Variants in GRAMD1B observed in about 807,000 individuals in gnomAD.
GRAMD1B encodes protein Aster-B.
Under a neutral mutation model 99.7 loss-of-function variants are expected in GRAMD1B, and 37 were observed. That is an observed-to-expected ratio of 0.37 (90% CI 0.29 to 0.49). The LOEUF is 0.49. Among genes scored for constraint, GRAMD1B ranks in the 20% least tolerant of loss-of-function variants. The pLI is 0.98. For synonymous variants in GRAMD1B, 427 were observed against 387.6 expected (o/e 1.10, Z -1.19); for missense variants, 888 against 1,009.2 (o/e 0.88, Z 1.63).
At chr11:123,499,956 A>G (rs1939691538) in intron 2 of GRAMD1B, among the ~76,000 whole-genome samples, 1 of 152,156 alleles carries the variant, frequency 6.6e-6, no homozygotes, top group Admixed American at 6.5e-5. Context: ...AATGAAACAG[A>G]TCTATTGTCT....
intron 2 of GRAMD1B, among the ~76,000 whole-genome samples, chr11:123,501,250 A>T (rs556352997): frequency 6.6e-6 from 1 of 152,226 alleles, no homozygotes; most frequent in South Asian, 2.1e-4. Flanking sequence ...GGCTCACTGC[A>T]ACCTTTACCT....
rs376926006 is a variant in GRAMD1B, at chr11:123,612,755, C to T, written c.1920-6C>T. ...TGACTGATCTTGTGTCTGGCTTGCT[C>T]CTCAGGGTCTCCACAGAGCTGCGCT... On this transcript the variant is annotated splice_polypyrimidine_tract_variant and splice_region_variant and intron_variant, in intron 14 of 19. Coordinates refer to ENST00000635736, the MANE Select transcript of GRAMD1B (RefSeq NM_001387025.1). 3 of 1,555,260 alleles carry T rather than the reference C, an allele frequency of 1.9e-6. No homozygotes were observed. The highest frequency in any genetic ancestry group is 1.4e-5 in the African/African-American group (1 of 73,806).
chr11:123,606,546 C>T, intron 10 of GRAMD1B, 63 bp from the exon 11 acceptor site: 13 of 1,444,784 alleles, frequency 9.0e-6, no homozygotes, highest in Non-Finnish European at 1.2e-5. Context: ...TCCCTAATCT[C>T]CCTTTGGAGA....
At position 123,360,451 on chromosome 11, in the gene GRAMD1B, T is replaced by C. The variant is rs369498094; in HGVS notation, c.-176+1652T>C. 7.2e-5 allele frequency among the ~76,000 whole-genome samples: 11 copies of C among 152,196 alleles called. No individual in the cohort carries two copies. The East Asian group carries it at 1.5e-3, about 21-fold the overall frequency. On this transcript the variant is annotated intron_variant, in intron 1 of 20. Coordinates refer to the GRAMD1B transcript ENST00000638157. ...GGAGATCTCATCCTCACCTTGCAAT[T>C]TGGATGAAGAGTTCTGCTGGGCGTC...
chr11:123,534,539 C>CTTCA (rs1943749155), intron 2 of GRAMD1B, among the ~76,000 whole-genome samples: 12 of 152,006 alleles, frequency 7.9e-5, no homozygotes, highest in African/African-American at 2.9e-4. Flanking sequence ...TGGGTTGATC[C>CTTCA]TTGGAGAATG....
rs533940716 is a variant in GRAMD1B, at chr11:123,446,167, T to A, written c.374+15001T>A. On this transcript the variant is annotated intron_variant, in intron 1 of 19. Transcript: ENST00000635736. ...GGTCTGTGAGCCTCTGCAGACTTCTTTTATTATTATTTTTTTTAGATGGAG... is the reference window on the plus strand; with the variant it reads ...GGTCTGTGAGCCTCTGCAGACTTCTATTATTATTATTTTTTTTAGATGGAG... Among the ~76,000 whole-genome samples, 5 of 152,104 alleles carry A rather than the reference T, an allele frequency of 3.3e-5. No individual in the cohort carries two copies. The East Asian group carries it at 7.7e-4, about 24-fold the overall frequency.
At chr11:123,439,620 G>A (rs1221478477) in intron 1 of GRAMD1B, among the ~76,000 whole-genome samples, 4 of 152,094 alleles carry the variant, frequency 2.6e-5, no homozygotes, top group East Asian at 3.9e-4. Flanking sequence ...ATGAGACTCC[G>A]GTTCTCCAAT....
At chr11:123,516,033 T>C (rs1401270605) in intron 2 of GRAMD1B, among the ~76,000 whole-genome samples, 2 of 152,194 alleles carry the variant, frequency 1.3e-5, no homozygotes, top group Non-Finnish European at 2.9e-5. Context: ...CCTCCCAAAG[T>C]GCCAAGATTA....
At chr11:123,590,978 C>A (rs11603554) in intron 4 of GRAMD1B, 52,183 of 155,758 alleles carry the variant, frequency 0.34, 9,064 homozygotes, top group East Asian at 0.49. Flanking sequence ...CAGGGGCCTG[C>A]CTCCCGGACC....
At chr11:123,615,967 TA>T (rs1333933028) in intron 17 of GRAMD1B, among the ~76,000 whole-genome samples, 15 of 152,164 alleles carry the variant, frequency 9.9e-5, no homozygotes, top group Non-Finnish European at 2.2e-4. Context: ...CAAATAAAAG[TA>T]AATGCAAAAT....
intron 2 of GRAMD1B, among the ~76,000 whole-genome samples, chr11:123,507,520 G>A (rs1184533286): frequency 6.6e-6 from 1 of 152,106 alleles, no homozygotes; most frequent in African/African-American, 2.4e-5. Context: ...AAAAAAACAC[G>A]TTCCTCTAAC....
chr11:123,603,405 C>T (rs761179912), intron 8 of GRAMD1B, 21 bp from the exon 9 acceptor site: 99 of 1,439,174 alleles, frequency 6.9e-5, no homozygotes, highest in Non-Finnish European at 9.3e-5. Flanking sequence ...AAGGCTCAGT[C>T]GTTCCTTTTC....
At chr11:123,483,404 T>C (rs1281736027) in intron 2 of GRAMD1B, among the ~76,000 whole-genome samples, 2 of 151,180 alleles carry the variant, frequency 1.3e-5, no homozygotes, top group African/African-American at 4.8e-5. Flanking sequence ...TTTTTTTTTT[T>C]TTTTGAGATA....
At chr11:123,596,071 T>C (rs1951234342) in intron 7 of GRAMD1B, 34 bp downstream of exon 7, 1 of 1,088,836 alleles carries the variant, frequency 9.2e-7, no homozygotes, top group Non-Finnish European at 1.4e-6. Flanking sequence ...TTTCTAATCC[T>C]CCCTTACTCC....
chr11:123,477,701 C>CCTTCTCCCTTCCTTTCCTTTCCCTTT (rs1951361784), intron 1 of GRAMD1B, among the ~76,000 whole-genome samples: 1 of 141,344 alleles, frequency 7.1e-6, no homozygotes, highest in Non-Finnish European at 1.5e-5. Flanking sequence ...CCTTTCCCTT[C>CCTTCTCCCTTCCTTTCCTTTCCCTTT]CTTCTCCCTT....
At position 123,492,164 on chromosome 11, in the gene GRAMD1B, T is replaced by C. The variant is rs1384892643; in HGVS notation, c.452+11271T>C. ...ACTGTGTGCCTCCCAACGAGGTGCC[T>C]TGGCCTCCGGGTCCTTCTTCATAAC... On this transcript the variant is annotated intron_variant, in intron 2 of 19. Transcript: ENST00000635736. The surrounding 1 kb of genome is among the most constrained non-coding windows in gnomAD (Gnocchi z 4.2). Among the ~76,000 whole-genome samples the C allele has an allele frequency of 6.6e-6, 1 of 152,174 alleles. No homozygotes were observed. The highest frequency in any genetic ancestry group is 1.5e-5 in the Non-Finnish European group (1 of 68,030).
intron 1 of GRAMD1B, among the ~76,000 whole-genome samples, chr11:123,420,146 A>G (rs1341679683): frequency 6.6e-6 from 1 of 152,222 alleles, no homozygotes; most frequent in African/African-American, 2.4e-5. Flanking sequence ...CTAAGCTACT[A>G]TTGCAACAGA....
At chr11:123,530,459 C>A (rs1428096928) in intron 2 of GRAMD1B, among the ~76,000 whole-genome samples, 1 of 152,212 alleles carries the variant, frequency 6.6e-6, no homozygotes, top group Non-Finnish European at 1.5e-5. Context: ...CTCACTGCAA[C>A]TTCCCCGTCC....
intron 2 of GRAMD1B, among the ~76,000 whole-genome samples, chr11:123,535,637 G>A (rs559582127): frequency 1.3e-5 from 2 of 152,268 alleles, no homozygotes; most frequent in South Asian, 4.1e-4. Context: ...TGATCTGGTG[G>A]CTGTCACTTC....
Sources: allele counts gnomAD v4.1 joint callset (sites outside exome capture counted in the v4.1 genomes callset), GRCh38; gene constraint gnomAD v4.1.1; non-coding constraint Gnocchi (gnomAD v3.1); transcripts MANE v1.5; gene names NCBI Gene and HGNC (gene_info 2026-07-23, HGNC 2026-07-21).